NHSL1: variants seen among roughly 807,000 people sequenced by gnomAD.
NHSL1 encodes NHS-like protein 1.
NHSL1 carries 48 observed loss-of-function variants against 95.0 expected under a neutral mutation model. The ratio of observed to expected loss-of-function variants is 0.51; its 90% confidence interval spans 0.40 to 0.64. The LOEUF is 0.64. NHSL1 is among the 30% of genes least tolerant of loss of function. The probability of loss-of-function intolerance (pLI) is 0.00; values close to 1 mark genes in which losing one functional copy is unlikely to be tolerated. For missense variants in NHSL1, 1,971 were observed against 2,077.7 expected, an observed-to-expected ratio of 0.95 and a Z score of 1.00; for synonymous variants, 783 against 833.9, an observed-to-expected ratio of 0.94 and a Z score of 1.05.
At chr6:138,466,658 G>A (rs998711234) in intron 3 of NHSL1, among the ~76,000 whole-genome samples, 3 of 152,220 alleles carry the variant, frequency 2.0e-5, no homozygotes, top group Admixed American at 6.5e-5. Flanking sequence ...AGATCATAAC[G>A]GAGCTGAGAA....
At position 138,431,939 on chromosome 6, in the gene NHSL1, G is replaced by C; in HGVS notation, c.2406C>G (p.Thr802=). The change falls in exon 6 of 8, where the codon ACC becomes ACG. Residue 802 remains threonine, a synonymous_variant. Transcript: ENST00000343505. The surrounding 1 kb of genome is among the most constrained non-coding windows in gnomAD (Gnocchi z 4.0). The part of the protein sequence containing the change: ...DPGNPAGGCS[T]SSGVPTGNGP... ...CGTTCCCAGTGGGCACCCCACTGCTGGTTGAACAGCCCCCTGCCGGGTTCC... is the reference window on the plus strand; with the variant it reads ...CGTTCCCAGTGGGCACCCCACTGCTCGTTGAACAGCCCCCTGCCGGGTTCC... The C allele has an allele frequency of 2.6e-6, 4 of 1,551,736 alleles. No individual in the cohort carries two copies. Among genetic ancestry groups the C allele is most frequent in the Non-Finnish European group, 3.5e-6 (4 of 1,147,000 alleles).
intron 1 of NHSL1, among the ~76,000 whole-genome samples, chr6:138,514,043 G>A (rs189678182): frequency 3.3e-5 from 5 of 152,278 alleles, no homozygotes; most frequent in East Asian, 3.9e-4. Flanking sequence ...TTGGCCAGGC[G>A]TGGTGGCTCA....
intron 3 of NHSL1, among the ~76,000 whole-genome samples, chr6:138,454,691 A>G (rs1374679869): frequency 6.6e-6 from 1 of 152,256 alleles, no homozygotes; most frequent in Non-Finnish European, 1.5e-5. Context: ...TACTTCAATA[A>G]AAGGCGTTTT....
chr6:138,584,005 G>A lies in NHSL1; in HGVS notation c.97-87634C>T, dbSNP rs1784098643. Reference sequence around the variant, plus strand: ...GCGGTGGTGCTCGCCTATAGTCCCAGCTACTCAGGAAGCTGAGGCAGGAAG... The same window carrying A: ...GCGGTGGTGCTCGCCTATAGTCCCAACTACTCAGGAAGCTGAGGCAGGAAG... On this transcript the variant is annotated intron_variant, in intron 1 of 3. Coordinates refer to the NHSL1 transcript ENST00000491526. Among the ~76,000 whole-genome samples, 3 of 152,244 alleles carry A rather than the reference G, an allele frequency of 2.0e-5. No homozygotes were observed. In the South Asian group the frequency reaches 6.2e-4, roughly 32 times the overall value.
At chr6:138,660,483 C>T (rs1785212202) in intron 1 of NHSL1, among the ~76,000 whole-genome samples, 1 of 151,854 alleles carries the variant, frequency 6.6e-6, no homozygotes, top group Non-Finnish European at 1.5e-5. Flanking sequence ...TATTCCATCC[C>T]CTATACCTCC....
chr6:138,582,280 A>G (rs575166917), intron 1 of NHSL1, among the ~76,000 whole-genome samples: 1 of 152,268 alleles, frequency 6.6e-6, no homozygotes, highest in East Asian at 1.9e-4. Context: ...CAACAATTTC[A>G]GGGCACTCCA....
At chr6:138,521,541 G>A (rs888085253) in intron 1 of NHSL1, among the ~76,000 whole-genome samples, 3 of 151,972 alleles carry the variant, frequency 2.0e-5, no homozygotes, top group African/African-American at 7.3e-5. Flanking sequence ...TGAGTATTCT[G>A]GATTGCAATC....
chr6:138,647,602 CTTTTT>C (rs368149578), intron 1 of NHSL1, among the ~76,000 whole-genome samples: 1 of 136,218 alleles, frequency 7.3e-6, no homozygotes, highest in African/African-American at 2.7e-5. Flanking sequence ...ATATTTCTCA[CTTTTT>C]TTTTTTTTTT....
At chr6:138,503,309 A>G (rs1780785197), upstream of NHSL1, among the ~76,000 whole-genome samples, 1 of 152,158 alleles carries the variant, frequency 6.6e-6, no homozygotes, top group Non-Finnish European at 1.5e-5. Context: ...AGCTTCAAAG[A>G]TCTAGTCCTT....
rs1785517333 is a variant in NHSL1, at chr6:138,681,958, C to A, written c.96+10518G>T. ...GGAATAATCTAAAACCATTGTCTAT[C>A]CTTCCAAAGTAAGATACCGCTTTTC... On this transcript the variant is annotated intron_variant, in intron 1 of 3. Transcript: ENST00000491526. Among the ~76,000 whole-genome samples, 3 of 151,052 alleles carry A rather than the reference C, an allele frequency of 2.0e-5. No individual in the cohort carries two copies. In the Admixed American group the frequency reaches 2.0e-4, roughly 10 times the overall value.
At chr6:138,467,277 C>T (rs976047747) in intron 3 of NHSL1, among the ~76,000 whole-genome samples, 1 of 151,956 alleles carries the variant, frequency 6.6e-6, no homozygotes, top group Admixed American at 6.5e-5. Flanking sequence ...CTCAGCCTCC[C>T]GAGTAGCTGG....
intron 1 of NHSL1, among the ~76,000 whole-genome samples, chr6:138,541,141 C>T (rs957873067): frequency 1.2e-4 from 19 of 152,060 alleles, no homozygotes; most frequent in African/African-American, 3.4e-4. Context: ...GCTGAGGCGG[C>T]GAATTACTTG....
intron 1 of NHSL1, among the ~76,000 whole-genome samples, chr6:138,648,930 G>C (rs1785053635): frequency 6.6e-6 from 1 of 152,108 alleles, no homozygotes; most frequent in South Asian, 2.1e-4. Context: ...TAGCATATCT[G>C]AACAGCATTA....
intron 1 of NHSL1, among the ~76,000 whole-genome samples, chr6:138,523,976 A>G (rs778612176): frequency 6.6e-5 from 10 of 152,240 alleles, no homozygotes; most frequent in Non-Finnish European, 1.0e-4. Context: ...TTGAACTCAC[A>G]TTACAGACCT....
chr6:138,504,157 C>T (rs2128294172), upstream of NHSL1, among the ~76,000 whole-genome samples: 1 of 152,192 alleles, frequency 6.6e-6, no homozygotes, highest in East Asian at 1.9e-4. Flanking sequence ...ATTGCTTAAG[C>T]CCAGAAGTTT....
chr6:138,598,177 G>A (rs1214411384), intron 1 of NHSL1, among the ~76,000 whole-genome samples: 1 of 152,062 alleles, frequency 6.6e-6, no homozygotes, highest in Non-Finnish European at 1.5e-5. Context: ...TAAAAAATTA[G>A]GCCAGGCGTG....
intron 1 of NHSL1, among the ~76,000 whole-genome samples, chr6:138,652,607 G>A (rs879434673): frequency 2.6e-5 from 4 of 152,140 alleles, no homozygotes; most frequent in Non-Finnish European, 5.9e-5. Context: ...GTTAGAATCA[G>A]TTGAAGTAAA....
chr6:138,625,279 A>T (rs183589210), intron 1 of NHSL1, among the ~76,000 whole-genome samples: 1 of 152,150 alleles, frequency 6.6e-6, no homozygotes, highest in East Asian at 1.9e-4. Context: ...AGTAGCTGGG[A>T]CTACAGGTGT....
intron 1 of NHSL1, among the ~76,000 whole-genome samples, chr6:138,638,879 A>G (rs1331828568): frequency 1.3e-5 from 2 of 152,266 alleles, no homozygotes; most frequent in Admixed American, 6.5e-5. Context: ...ACTATTTTCA[A>G]GAAAACATCT....
Sources: gnomAD v4.1 joint callset for allele counts (sites outside exome capture counted in the v4.1 genomes callset) on GRCh38, gnomAD v4.1.1 for gene constraint, Gnocchi (gnomAD v3.1) non-coding constraint, MANE v1.5 for transcripts, NCBI Gene and HGNC (gene_info 2026-07-23, HGNC 2026-07-21) for gene names.